The following HHAT variants were observed in gnomAD, a reference collection of about 807,000 sequenced individuals.
HHAT encodes hedgehog acyltransferase.
HHAT carries 47 observed loss-of-function variants against 70.8 expected under a neutral mutation model. The ratio of observed to expected loss-of-function variants is 0.66; its 90% CI spans 0.53 to 0.85. The LOEUF (loss-of-function observed/expected upper bound fraction) is 0.85, where lower values mean the gene tolerates loss of function less well. Ranked by LOEUF, HHAT falls within the 40% of genes least tolerant of loss-of-function variation. The pLI, the probability that HHAT is intolerant of heterozygous loss-of-function variation, is 0.00. For synonymous variants in HHAT, 228 were observed against 247.6 expected (o/e 0.92, Z 0.74); for missense variants, 609 against 604.8 (o/e 1.01, Z -0.07).
At chr1:210,390,274 G>T (rs1232182575) in intron 4 of HHAT, among the ~76,000 whole-genome samples, 1 of 152,200 alleles carries the variant, frequency 6.6e-6, no homozygotes, top group East Asian at 1.9e-4. Flanking sequence ...AAAGTAAAAG[G>T]TATGAAAAGA....
chr1:210,570,871 G>T (rs569062624), intron 9 of HHAT, among the ~76,000 whole-genome samples: 95 of 152,238 alleles, frequency 6.2e-4, no homozygotes, highest in Middle Eastern at 3.4e-3. Context: ...AGAGTAGCTT[G>T]GTTGCCCTGA....
chr1:210,492,230 T>A (rs2094563805), intron 8 of HHAT, among the ~76,000 whole-genome samples: 1 of 152,180 alleles, frequency 6.6e-6, no homozygotes, highest in South Asian at 2.1e-4. Flanking sequence ...CTACCAGATA[T>A]CACTCTATTT....
intron 9 of HHAT, among the ~76,000 whole-genome samples, chr1:210,586,035 C>T (rs907533380): frequency 1.3e-5 from 2 of 152,174 alleles, no homozygotes; most frequent in Non-Finnish European, 2.9e-5. Context: ...AGGAGCTTGA[C>T]TAAAGTTTAG....
intron 11 of HHAT, among the ~76,000 whole-genome samples, chr1:210,657,517 C>T (rs1190355200): frequency 6.6e-6 from 1 of 152,186 alleles, no homozygotes. Context: ...CTGGGAAGAG[C>T]TGCTGTGGCC....
At chr1:210,668,503 C>CAT (rs1679401016) in intron 11 of HHAT, among the ~76,000 whole-genome samples, 1 of 152,242 alleles carries the variant, frequency 6.6e-6, no homozygotes, top group Admixed American at 6.5e-5. Flanking sequence ...TTCCCCCGCA[C>CAT]ATGCTCTCTT....
chr1:210,430,899 C>A (rs1435280775), intron 7 of HHAT, among the ~76,000 whole-genome samples: 2 of 151,786 alleles, frequency 1.3e-5, no homozygotes, highest in Non-Finnish European at 2.9e-5. Flanking sequence ...CTTTTCCTTG[C>A]ATATTCTTTC....
intron 1 of HHAT, among the ~76,000 whole-genome samples, chr1:210,333,957 G>A (rs962867894): frequency 1.3e-5 from 2 of 151,906 alleles, no homozygotes; most frequent in Non-Finnish European, 2.9e-5. Context: ...ACATCTGGCT[G>A]GAACTGCTCT....
At chr1:210,499,644 CA>C (rs5780584) in intron 8 of HHAT, among the ~76,000 whole-genome samples, 68,256 of 148,490 alleles carry the variant, frequency 0.46, 15,837 homozygotes, top group Non-Finnish European at 0.51. Context: ...CTTTCTCTCT[CA>C]AAAAAAAAAA....
chr1:210,351,054 A>G (rs1384363204), intron 2 of HHAT, among the ~76,000 whole-genome samples: 1 of 152,214 alleles, frequency 6.6e-6, no homozygotes, highest in East Asian at 1.9e-4. Flanking sequence ...GGCCCACACA[A>G]TTATAGAGGC....
chr1:210,608,686 A>C (rs2148836964), intron 10 of HHAT, among the ~76,000 whole-genome samples: 1 of 152,320 alleles, frequency 6.6e-6, no homozygotes, highest in Admixed American at 6.5e-5. Context: ...GTGCTGCTGT[A>C]ATGAAATACC....
chr1:210,604,770 C>G (rs936425039), intron 10 of HHAT, among the ~76,000 whole-genome samples: 3 of 152,130 alleles, frequency 2.0e-5, no homozygotes, highest in African/African-American at 4.8e-5. Flanking sequence ...AATCCCAACA[C>G]TTTGAGGGGC....
chr1:210,341,966 C>T (rs981667773), intron 1 of HHAT, among the ~76,000 whole-genome samples: 2 of 152,066 alleles, frequency 1.3e-5, no homozygotes, highest in African/African-American at 4.8e-5. Context: ...CCGCTTTGTC[C>T]TCACTTGCCT....
At chr1:210,457,761 A>G (rs546963749) in intron 7 of HHAT, among the ~76,000 whole-genome samples, 189 of 152,242 alleles carry the variant, frequency 1.2e-3, no homozygotes, top group African/African-American at 4.4e-3. Context: ...GGAATTAACA[A>G]TTCAAAAGGT....
At chr1:210,430,548 T>C (rs1340496271) in intron 7 of HHAT, among the ~76,000 whole-genome samples, 1 of 151,952 alleles carries the variant, frequency 6.6e-6, no homozygotes, top group Admixed American at 6.5e-5. Context: ...TTCTCTACAT[T>C]AATGAAGATC....
At chr1:210,337,130 G>A (rs1023547165) in intron 1 of HHAT, among the ~76,000 whole-genome samples, 4 of 152,170 alleles carry the variant, frequency 2.6e-5, no homozygotes, top group Non-Finnish European at 5.9e-5. Context: ...TGATATCAGT[G>A]TGGGGGGAAA....
chr1:210,576,478 G>A (rs558822068), intron 9 of HHAT, among the ~76,000 whole-genome samples: 1 of 135,350 alleles, frequency 7.4e-6, no homozygotes, highest in Admixed American at 7.8e-5. Context: ...AGAACACATG[G>A]ACACAGGAAG....
intron 2 of HHAT, among the ~76,000 whole-genome samples, chr1:210,359,146 C>T (rs2087973246): frequency 6.6e-6 from 1 of 152,156 alleles, no homozygotes; most frequent in Admixed American, 6.5e-5. Context: ...GGAGAGAATT[C>T]CCAGGCACAG....
At position 210,481,739 on chromosome 1, in the gene HHAT, A is replaced by C. The variant is rs2501887; in HGVS notation, c.1007+17084A>C. Reference sequence around the variant, plus strand: ...CTCAAGTATTGATTTTAAGGTTACAAATAAATTTTAGTGAGGTGAATTTGC... The same window carrying C: ...CTCAAGTATTGATTTTAAGGTTACACATAAATTTTAGTGAGGTGAATTTGC... On this transcript the variant is annotated intron_variant, in intron 8 of 11. Coordinates refer to ENST00000261458, the MANE Select transcript of HHAT (RefSeq NM_018194.6). Among the ~76,000 whole-genome samples, 14 of 152,110 alleles carry C rather than the reference A, an allele frequency of 9.2e-5. No homozygotes were observed. The East Asian group carries it at 2.5e-3, about 27-fold the overall frequency.
chr1:210,486,908 C>T (rs1353527270), intron 8 of HHAT, among the ~76,000 whole-genome samples: 1 of 152,192 alleles, frequency 6.6e-6, no homozygotes, highest in African/African-American at 2.4e-5. Flanking sequence ...GCTGATTATA[C>T]TGTGGCTTTG....
Sources: gnomAD v4.1 joint callset for allele counts (sites outside exome capture counted in the v4.1 genomes callset) on GRCh38, gnomAD v4.1.1 for gene constraint, MANE v1.5 for transcripts, NCBI Gene and HGNC (gene_info 2026-07-23, HGNC 2026-07-21) for gene names.